The following PLEKHG1 variants were observed in gnomAD, a reference collection of about 807,000 sequenced individuals.
The protein encoded by PLEKHG1 is pleckstrin homology and RhoGEF domain containing G1, also known as pleckstrin homology domain-containing family G member 1.
A neutral mutation model predicts 100.8 loss-of-function variants in PLEKHG1; 44 were observed. The ratio of observed to expected loss-of-function variants is 0.44; its 90% CI spans 0.34 to 0.56. The LOEUF (loss-of-function observed/expected upper bound fraction) is 0.56, where lower values mean the gene tolerates loss of function less well. PLEKHG1 is among the 20% of genes least tolerant of loss of function. The pLI, the probability that PLEKHG1 is intolerant of heterozygous loss-of-function variation, is 0.01. For missense variants in PLEKHG1, 1,545 were observed against 1,720.9 expected (o/e 0.90, Z 1.81); for synonymous variants, 640 against 662.5 (o/e 0.97, Z 0.52).
chr6:150,663,795 G>T (rs949059695), intron 3 of PLEKHG1: 1 of 152,090 alleles, frequency 6.6e-6, no homozygotes, highest in African/African-American at 2.4e-5. Flanking sequence ...CTCGTGATCC[G>T]CCCGCCTTGG....
intron 3 of PLEKHG1, 144 bp downstream of exon 4, chr6:150,768,882 TG>T: frequency 1.6e-6 from 1 of 627,466 alleles, no homozygotes; most frequent in Non-Finnish European, 2.8e-6. Flanking sequence ...GCTTTCTGCT[TG>T]GAAGTATCCT....
At chr6:150,726,584 C>T (rs961799955) in intron 1 of PLEKHG1, among the ~76,000 whole-genome samples, 1 of 152,136 alleles carries the variant, frequency 6.6e-6, no homozygotes, top group African/African-American at 2.4e-5. Context: ...ATTGTAGTAC[C>T]TTGTTTAAAA....
intron 3 of PLEKHG1, among the ~76,000 whole-genome samples, chr6:150,786,061 C>G (rs956824990): frequency 6.6e-6 from 1 of 151,436 alleles, no homozygotes; most frequent in Non-Finnish European, 1.5e-5. Flanking sequence ...GTACACTGTA[C>G]CTGGTACCTA....
chr6:150,604,640 G>A (rs1286453938), intron 1 of PLEKHG1, among the ~76,000 whole-genome samples: 11 of 152,084 alleles, frequency 7.2e-5, no homozygotes, highest in African/African-American at 1.7e-4. Context: ...CATCATAGAC[G>A]GACTTATAAT....
intron 3 of PLEKHG1, among the ~76,000 whole-genome samples, chr6:150,691,825 A>T (rs1291591270): frequency 6.6e-6 from 1 of 152,264 alleles, no homozygotes; most frequent in Non-Finnish European, 1.5e-5. Context: ...TGATAAAATC[A>T]GTTAATCACC....
chr6:150,793,784 A>C (rs941963062), intron 4 of PLEKHG1, among the ~76,000 whole-genome samples: 4 of 152,204 alleles, frequency 2.6e-5, no homozygotes, highest in African/African-American at 9.6e-5. Flanking sequence ...TGGACAGGGC[A>C]TATTAAATGA....
intron 3 of PLEKHG1, among the ~76,000 whole-genome samples, chr6:150,784,940 C>T (rs1012504794): frequency 6.6e-6 from 1 of 151,554 alleles, no homozygotes; most frequent in African/African-American, 2.4e-5. Context: ...AGAAGGCTGG[C>T]CACGGTTGCT....
At chr6:150,602,980 C>T (rs1416417979) in intron 1 of PLEKHG1, among the ~76,000 whole-genome samples, 1 of 147,454 alleles carries the variant, frequency 6.8e-6, no homozygotes, top group African/African-American at 2.5e-5. Context: ...ACTCAAAAGG[C>T]TGAGGCAGGA....
intron 2 of PLEKHG1, among the ~76,000 whole-genome samples, chr6:150,640,469 A>T (rs893672059): frequency 6.6e-6 from 1 of 152,114 alleles, no homozygotes. Flanking sequence ...CTGGGTCCTC[A>T]TTCTTCCTGT....
At chr6:150,646,598 T>G (rs1014383585) in intron 2 of PLEKHG1, among the ~76,000 whole-genome samples, 1 of 152,108 alleles carries the variant, frequency 6.6e-6, no homozygotes. Context: ...ATGAATGAAA[T>G]GAAACAGCTC....
At chr6:150,792,882 A>G (rs1786082902) in intron 4 of PLEKHG1, among the ~76,000 whole-genome samples, 1 of 152,160 alleles carries the variant, frequency 6.6e-6, no homozygotes, top group African/African-American at 2.4e-5. Flanking sequence ...ACATCTTGTC[A>G]CACCAGGAAA....
At chr6:150,649,566 C>T (rs1438939229) in intron 2 of PLEKHG1, among the ~76,000 whole-genome samples, 1 of 152,144 alleles carries the variant, frequency 6.6e-6, no homozygotes, top group African/African-American at 2.4e-5. Context: ...GAAATGTCTG[C>T]GGTTCTTTCT....
chr6:150,832,198 C>T (rs776272394), exon 15 of PLEKHG1: 15 of 1,590,804 alleles, frequency 9.4e-6, no homozygotes, highest in East Asian at 2.2e-5. Flanking sequence ...AAGGAGGGCC[C>T]GCCATTGGTA....
chr6:150,764,904 TCAA>T (rs386707074), intron 2 of PLEKHG1, among the ~76,000 whole-genome samples: 55,029 of 151,634 alleles, frequency 0.36, 12,223 homozygotes, highest in African/African-American at 0.61. Context: ...ACTTGGCTCT[TCAA>T]CTATACCGGG....
At chr6:150,826,197 C>T (rs750675088) in intron 14 of PLEKHG1, among the ~76,000 whole-genome samples, 1 of 152,060 alleles carries the variant, frequency 6.6e-6, no homozygotes, top group Non-Finnish European at 1.5e-5. Flanking sequence ...GTGGCTCACA[C>T]CTGTAATCCC....
intron 3 of PLEKHG1, among the ~76,000 whole-genome samples, chr6:150,704,045 C>T (rs1380346830): frequency 1.3e-5 from 2 of 151,290 alleles, no homozygotes; most frequent in African/African-American, 4.9e-5. Flanking sequence ...GCAACAATTG[C>T]AAATAACAAC....
At chr6:150,616,707 A>G (rs752114226) in intron 1 of PLEKHG1, among the ~76,000 whole-genome samples, 1 of 152,214 alleles carries the variant, frequency 6.6e-6, no homozygotes, top group South Asian at 2.1e-4. Context: ...ACGTCTAAAG[A>G]TGTGAGTCTT....
At chr6:150,840,541 C>T in exon 16 of PLEKHG1, 1 of 1,614,026 alleles carries the variant, frequency 6.2e-7, no homozygotes, top group African/African-American at 1.3e-5. Context: ...AATTATTTTT[C>T]CAATTTCAAA....
At chr6:150,751,708 C>T (rs1783520034) in intron 2 of PLEKHG1, among the ~76,000 whole-genome samples, 2 of 152,096 alleles carry the variant, frequency 1.3e-5, no homozygotes, top group African/African-American at 2.4e-5. Context: ...GTGACAGCAC[C>T]AAGGAGCCAG....
Sources: allele counts gnomAD v4.1 joint callset (sites outside exome capture counted in the v4.1 genomes callset), GRCh38; gene constraint gnomAD v4.1.1; transcripts MANE v1.5; gene names NCBI Gene and HGNC (gene_info 2026-07-23, HGNC 2026-07-21).